The following RNF152 variants were observed in gnomAD, a reference collection of about 807,000 sequenced individuals.
RNF152 encodes the protein ring finger protein 152, also known as E3 ubiquitin-protein ligase RNF152.
RNF152 carries 11 observed loss-of-function variants against 12.7 expected under a neutral mutation model. The ratio of observed to expected loss-of-function variants is 0.86; its 90% CI spans 0.54 to 1.43. RNF152 has a LOEUF of 1.43. RNF152 is among the 40% of genes most tolerant of loss of function. The pLI is 0.00. For synonymous variants in RNF152, 113 were observed against 120.3 expected (o/e 0.94, Z 0.40); for missense variants, 255 against 274.8 (o/e 0.93, Z 0.51).
chr18:61,874,563 G>A (rs1912133294), intron 1 of RNF152, among the ~76,000 whole-genome samples: 1 of 152,190 alleles, frequency 6.6e-6, no homozygotes, highest in Admixed American at 6.5e-5. Context: ...TTACTTTAAG[G>A]CCTTTTTAGG....
Position 61,814,514 on chromosome 18 carries a change from A to T in RNF152, c.*1338T>A, listed in dbSNP as rs926613134. The T allele has an allele frequency of 6.6e-6, 1 of 152,350 alleles. No homozygotes were observed. The highest frequency in any genetic ancestry group is 2.1e-4 in the South Asian group (1 of 4,830). 9.4% of individuals were successfully genotyped at this position (152,350 alleles called of 1,614,324 possible). A position where few individuals can be genotyped will look rare whatever the true frequency, so the allele number is the denominator to read the frequency against. On this transcript the variant is annotated 3_prime_UTR_variant, in exon 2 of 2. Coordinates refer to ENST00000312828, the MANE Select transcript of RNF152 (RefSeq NM_173557.3). ...ACGTACTTGTAGCAGATCTTTCTTC[A>T]TGAGCATCTATAGATCATTACACAT...
Position 61,813,544 on chromosome 18 carries a change from A to G in RNF152, c.*2308T>C, listed in dbSNP as rs959125593. Reference sequence around the variant, plus strand: ...GTTTTTAAGTAAAAGTTCTATGGACATTTTTACTCTACAGATTTGCACTAA... The same window carrying G: ...GTTTTTAAGTAAAAGTTCTATGGACGTTTTTACTCTACAGATTTGCACTAA... On this transcript the variant is annotated 3_prime_UTR_variant, in exon 2 of 2. Transcript: ENST00000312828. 2.6e-5 allele frequency: 4 copies of G among 152,146 alleles called. No homozygotes were observed. The highest frequency in any genetic ancestry group is 9.7e-5 in the African/African-American group (4 of 41,430). 9.4% of individuals were successfully genotyped at this position (152,146 alleles called of 1,614,324 possible).
intron 1 of RNF152, among the ~76,000 whole-genome samples, chr18:61,828,578 T>C (rs1470110882): frequency 1.3e-5 from 2 of 152,100 alleles, no homozygotes; most frequent in Admixed American, 6.5e-5. Context: ...GTGTACACCA[T>C]TGCACTGGCA....
chr18:61,881,298 A>T (rs756440225), intron 1 of RNF152, among the ~76,000 whole-genome samples: 3 of 152,332 alleles, frequency 2.0e-5, no homozygotes, highest in Non-Finnish European at 4.4e-5. Flanking sequence ...GATTATAGCG[A>T]ACGACACCAG....
At chr18:61,825,497 C>T (rs1310280059) in intron 1 of RNF152, among the ~76,000 whole-genome samples, 1 of 152,196 alleles carries the variant, frequency 6.6e-6, no homozygotes, top group Admixed American at 6.5e-5. Flanking sequence ...GTGGCATTTC[C>T]TCTATTTGAT....
At chr18:61,853,495 T>C (rs1227473433) in intron 1 of RNF152, among the ~76,000 whole-genome samples, 2 of 152,138 alleles carry the variant, frequency 1.3e-5, no homozygotes, top group African/African-American at 4.8e-5. Flanking sequence ...TTTCACCATG[T>C]TGGCCAGACT....
At chr18:61,821,332 C>G (rs1909397454) in intron 1 of RNF152, among the ~76,000 whole-genome samples, 1 of 152,218 alleles carries the variant, frequency 6.6e-6, no homozygotes, top group Admixed American at 6.5e-5. Context: ...ATTTTGACAG[C>G]AGCCTCTCTG....
At chr18:61,874,341 A>G (rs919920024) in intron 1 of RNF152, among the ~76,000 whole-genome samples, 28 of 152,346 alleles carry the variant, frequency 1.8e-4, no homozygotes, top group African/African-American at 6.7e-4. Context: ...AACATATTGT[A>G]TTTCCGATTA....
At chr18:61,887,171 T>C (rs1568297544) in intron 1 of RNF152, among the ~76,000 whole-genome samples, 1 of 152,138 alleles carries the variant, frequency 6.6e-6, no homozygotes, top group Non-Finnish European at 1.5e-5. Flanking sequence ...GGGGAAAACT[T>C]GAAAAGCAAA....
chr18:61,882,859 GC>G (rs944879644), intron 1 of RNF152, among the ~76,000 whole-genome samples: 1 of 152,058 alleles, frequency 6.6e-6, no homozygotes, highest in African/African-American at 2.4e-5. Context: ...AGTACACAAT[GC>G]CCCCCTCCAC....
At position 61,810,030 on chromosome 18, in the gene RNF152, C is replaced by A. The variant is rs1460743771; in HGVS notation, c.*5822G>T. ...ATTAAATGCCCCACCTGCTTAAGTT[C>A]TTCAATGATTAATGGCTTTCCAATA... On this transcript the variant is annotated 3_prime_UTR_variant, in exon 2 of 2. Transcript: ENST00000312828. 3 of 152,058 alleles carry A rather than the reference C, an allele frequency of 2.0e-5. No individual in the cohort carries two copies. The highest frequency in any genetic ancestry group is 1.3e-4 in the Admixed American group (2 of 15,266). 9.4% of individuals were successfully genotyped at this position (152,058 alleles called of 1,614,324 possible). A position where few individuals can be genotyped will look rare whatever the true frequency, so the allele number is the denominator to read the frequency against.
At chr18:61,884,407 A>C (rs1327801658) in intron 1 of RNF152, among the ~76,000 whole-genome samples, 7 of 151,246 alleles carry the variant, frequency 4.6e-5, no homozygotes, top group Non-Finnish European at 1.0e-4. Flanking sequence ...TATCAGATAC[A>C]TTTCTTTTAT....
chr18:61,863,660 G>A (rs1009677744), intron 1 of RNF152, among the ~76,000 whole-genome samples: 9 of 152,154 alleles, frequency 5.9e-5, no homozygotes, highest in Admixed American at 4.6e-4. Flanking sequence ...CTGTGTAACC[G>A]TATGGCCTGT....
intron 1 of RNF152, among the ~76,000 whole-genome samples, chr18:61,859,406 G>A (rs911370773): frequency 3.3e-5 from 5 of 152,168 alleles, no homozygotes; most frequent in Admixed American, 6.5e-5. Flanking sequence ...CAACACATGC[G>A]TCAGAGACAT....
intron 1 of RNF152, among the ~76,000 whole-genome samples, chr18:61,825,986 G>C (rs1440456006): frequency 1.3e-5 from 2 of 152,036 alleles, no homozygotes; most frequent in Non-Finnish European, 2.9e-5. Context: ...TCCCAGAAAG[G>C]GGCAGGTAGT....
intron 1 of RNF152, among the ~76,000 whole-genome samples, chr18:61,891,140 T>A (rs1912940555): frequency 6.6e-6 from 1 of 152,172 alleles, no homozygotes; most frequent in African/African-American, 2.4e-5. Context: ...GCTAAATGAA[T>A]AAATGAGCAT....
At chr18:61,831,741 A>T (rs1436044801) in intron 1 of RNF152, among the ~76,000 whole-genome samples, 1 of 151,990 alleles carries the variant, frequency 6.6e-6, no homozygotes, top group Non-Finnish European at 1.5e-5. Context: ...GATAGAAAGC[A>T]ATAATTCATT....
intron 1 of RNF152, among the ~76,000 whole-genome samples, chr18:61,870,308 G>T (rs79351067): frequency 0.032 from 4,855 of 152,196 alleles, 270 homozygotes; most frequent in African/African-American, 0.11. Context: ...CAGCCTCTGA[G>T]GGTGGGATTG....
At chr18:61,871,265 C>G (rs1911985770) in intron 1 of RNF152, among the ~76,000 whole-genome samples, 1 of 148,820 alleles carries the variant, frequency 6.7e-6, no homozygotes, top group Non-Finnish European at 1.5e-5. Flanking sequence ...CACCTACCAG[C>G]TTCTGGACTC....
Sources: gnomAD v4.1 joint callset for allele counts (sites outside exome capture counted in the v4.1 genomes callset) on GRCh38, gnomAD v4.1.1 for gene constraint, MANE v1.5 for transcripts, NCBI Gene and HGNC (gene_info 2026-07-23, HGNC 2026-07-21) for gene names.